The following RBFOX2 variants were observed in gnomAD, a reference collection of about 807,000 sequenced individuals.
RBFOX2 encodes the protein RNA binding protein fox-1 homolog 2.
In RBFOX2, 10 loss-of-function variants were observed where a neutral mutation model predicts 49.1. The ratio of observed to expected loss-of-function variants is 0.20; its 90% confidence interval spans 0.13 to 0.35. The LOEUF is 0.35. Ranked by LOEUF, RBFOX2 falls within the 10% of genes least tolerant of loss-of-function variation. RBFOX2 has a pLI of 1.00. For missense variants in RBFOX2, 323 were observed against 486.9 expected (o/e 0.66, Z 3.17); for synonymous variants, 183 against 187.4 (o/e 0.98, Z 0.19).
intron 1 of RBFOX2, 128 bp from the exon 3 acceptor site, chr22:35,810,132 C>G: frequency 1.1e-6 from 1 of 876,796 alleles, no homozygotes; most frequent in Non-Finnish European, 1.8e-6. Context: ...GCTTATTGCT[C>G]CAGGATTGGA....
chr22:35,979,078 G>A (rs2057335545), intron 1 of RBFOX2, among the ~76,000 whole-genome samples: 2 of 152,168 alleles, frequency 1.3e-5, no homozygotes, highest in Admixed American at 1.3e-4. Context: ...GGATGCGGGG[G>A]ACAGCATTTG....
chr22:35,963,901 G>A (rs187103746), upstream of RBFOX2, among the ~76,000 whole-genome samples: 3 of 152,078 alleles, frequency 2.0e-5, no homozygotes, highest in Admixed American at 1.3e-4. Flanking sequence ...AAGCGCCACC[G>A]GGCCTGGGTA....
chr22:35,890,075 T>C (rs1330443422), intron 1 of RBFOX2, among the ~76,000 whole-genome samples: 1 of 152,200 alleles, frequency 6.6e-6, no homozygotes, highest in Non-Finnish European at 1.5e-5. Flanking sequence ...AGTTACTTGC[T>C]ACTTCATTTC....
At chr22:35,956,915 A>C (rs2055628506) in intron 1 of RBFOX2, among the ~76,000 whole-genome samples, 2 of 152,366 alleles carry the variant, frequency 1.3e-5, no homozygotes, top group South Asian at 4.1e-4. Flanking sequence ...CTTCAGCAGG[A>C]ACACTGAAGT....
At chr22:35,935,707 C>T (rs750651038) in intron 1 of RBFOX2, among the ~76,000 whole-genome samples, 1 of 152,148 alleles carries the variant, frequency 6.6e-6, no homozygotes, top group Non-Finnish European at 1.5e-5. Context: ...GGCACATTCA[C>T]ACGTGACCAC....
intron 2 of RBFOX2, among the ~76,000 whole-genome samples, chr22:35,801,086 G>C (rs1296903029): frequency 6.6e-6 from 1 of 152,080 alleles, no homozygotes; most frequent in African/African-American, 2.4e-5. Flanking sequence ...TACGGACTTA[G>C]AATTCCCCAT....
intron 3 of RBFOX2, among the ~76,000 whole-genome samples, chr22:35,781,166 C>T (rs1945080575): frequency 6.6e-6 from 1 of 152,182 alleles, no homozygotes; most frequent in Admixed American, 6.5e-5. Flanking sequence ...CAGGCATAGG[C>T]ATCAATATTT....
chr22:35,776,053 T>C (rs1943851790), intron 4 of RBFOX2, among the ~76,000 whole-genome samples: 1 of 152,134 alleles, frequency 6.6e-6, no homozygotes, highest in Non-Finnish European at 1.5e-5. Flanking sequence ...TAAGAATATT[T>C]TAAGTACATA....
At chr22:35,884,274 G>T (rs2046303170) in intron 1 of RBFOX2, among the ~76,000 whole-genome samples, 1 of 152,148 alleles carries the variant, frequency 6.6e-6, no homozygotes, top group African/African-American at 2.4e-5. Context: ...TGGGATTACA[G>T]ATGTGAGCCA....
intron 2 of RBFOX2, among the ~76,000 whole-genome samples, chr22:35,806,696 T>G (rs1258524426): frequency 2.0e-5 from 3 of 152,130 alleles, no homozygotes; most frequent in African/African-American, 7.2e-5. Context: ...CAGACATAAA[T>G]CTACCTACAT....
chr22:35,949,928 T>G (rs939734538), intron 1 of RBFOX2, among the ~76,000 whole-genome samples: 2 of 152,138 alleles, frequency 1.3e-5, no homozygotes, highest in African/African-American at 4.8e-5. Flanking sequence ...AAAGTCTAAT[T>G]TATCTGTTTT....
chr22:35,812,464 T>C (rs974891154), intron 1 of RBFOX2, among the ~76,000 whole-genome samples: 1 of 152,160 alleles, frequency 6.6e-6, no homozygotes, highest in African/African-American at 2.4e-5. Flanking sequence ...AATAGTTATC[T>C]CCCTTCCCCT....
At chr22:35,833,020 T>C (rs937409300) in intron 1 of RBFOX2, among the ~76,000 whole-genome samples, 28 of 152,300 alleles carry the variant, frequency 1.8e-4, no homozygotes, top group African/African-American at 6.7e-4. Flanking sequence ...TCATTACACA[T>C]TATACGCATG....
chr22:35,824,489 GA>G (rs1955217871), intron 1 of RBFOX2: 1 of 152,226 alleles, frequency 6.6e-6, no homozygotes. Context: ...GAATGGCAAT[GA>G]AATGTAAACC....
At chr22:35,773,798 T>G (rs1943259766) in intron 4 of RBFOX2, among the ~76,000 whole-genome samples, 1 of 152,110 alleles carries the variant, frequency 6.6e-6, no homozygotes, top group East Asian at 1.9e-4. Context: ...ATAAGCTTGA[T>G]AATTATCACC....
chr22:35,932,703 A>C (rs1196015646), intron 1 of RBFOX2, among the ~76,000 whole-genome samples: 1 of 152,182 alleles, frequency 6.6e-6, no homozygotes, highest in Non-Finnish European at 1.5e-5. Flanking sequence ...CAACATGGCA[A>C]AACACTGTCT....
intron 1 of RBFOX2, among the ~76,000 whole-genome samples, chr22:35,872,487 C>A (rs924259141): frequency 6.6e-6 from 1 of 152,150 alleles, no homozygotes; most frequent in South Asian, 2.1e-4. Flanking sequence ...TTGGATCATA[C>A]GTGGACTTGG....
intron 4 of RBFOX2, among the ~76,000 whole-genome samples, chr22:35,776,894 T>C (rs994403972): frequency 4.6e-5 from 7 of 152,020 alleles, no homozygotes; most frequent in East Asian, 1.9e-4. Flanking sequence ...TTTTTTTTTT[T>C]CACAACACCA....
upstream of RBFOX2, among the ~76,000 whole-genome samples, chr22:35,939,884 A>G (rs556464278): frequency 2.7e-4 from 41 of 152,300 alleles, no homozygotes; most frequent in Non-Finnish European, 5.6e-4. Flanking sequence ...CTTGCTTTCA[A>G]GGGAACTTTT....
Sources: gnomAD v4.1 joint callset for allele counts (sites outside exome capture counted in the v4.1 genomes callset) on GRCh38, gnomAD v4.1.1 for gene constraint, MANE v1.5 for transcripts, NCBI Gene and HGNC (gene_info 2026-07-23, HGNC 2026-07-21) for gene names.